The following TAPBP variants were observed in gnomAD, a reference collection of about 807,000 sequenced individuals.
TAPBP encodes the protein tapasin.
Under a neutral mutation model 45.7 loss-of-function variants are expected in TAPBP, and 38 were observed. That is an observed-to-expected ratio of 0.83 (90% CI 0.64 to 1.09). The LOEUF is 1.09. Ranked by LOEUF, TAPBP falls within the 50% of genes least tolerant of loss-of-function variation. TAPBP has a pLI of 0.00. For missense variants in TAPBP, 513 were observed against 587.3 expected (o/e 0.87, Z 1.31); for synonymous variants, 226 against 254.8 (o/e 0.89, Z 1.08).
In TAPBP at chr6:33,301,620, A is replaced by G; in HGVS notation, c.*140T>C. 1 of 770,894 alleles carries G rather than the reference A, an allele frequency of 1.3e-6. No homozygotes were observed. The highest frequency in any genetic ancestry group is 2.1e-6 in the Non-Finnish European group (1 of 468,452). 47.8% of individuals were successfully genotyped at this position (770,894 alleles called of 1,614,324 possible). On this transcript the variant is annotated 3_prime_UTR_variant, in exon 8 of 8. Coordinates refer to ENST00000434618, the MANE Select transcript of TAPBP (RefSeq NM_003190.5). ...ATTATCCCTTATATAAGTGAAAGAAAAAAAAAAAAGCATTCCAGCCACTCA... is the reference window on the plus strand; with the variant it reads ...ATTATCCCTTATATAAGTGAAAGAAGAAAAAAAAAGCATTCCAGCCACTCA...
chr6:33,307,941 G>A (rs886624824), intron 3 of TAPBP, among the ~76,000 whole-genome samples: 2 of 152,110 alleles, frequency 1.3e-5, no homozygotes, highest in Non-Finnish European at 2.9e-5. Context: ...TGGACTTGCT[G>A]GTTAACTTGG....
At position 33,313,153 on chromosome 6, in the gene TAPBP, G is replaced by A; in HGVS notation, c.469+64C>T. Reference sequence around the variant, plus strand: ...TGTCTTGCTCAAGTCCATAAAGCGAGACCACCGGCTGATCTGGACCCTTAG... The same window carrying A: ...TGTCTTGCTCAAGTCCATAAAGCGAAACCACCGGCTGATCTGGACCCTTAG... On this transcript the variant is annotated intron_variant, in intron 3 of 7. Transcript: ENST00000434618. This position sits in a 1 kb window ranked among gnomAD's most constrained non-coding sequence, Gnocchi z 7.2. 1 of 1,526,872 alleles carries A rather than the reference G, an allele frequency of 6.5e-7. No homozygotes were observed. Among genetic ancestry groups the A allele is most frequent in the Non-Finnish European group, 8.8e-7 (1 of 1,132,634 alleles). The allele number at this position is 1,526,872 out of a possible 1,614,324, so 94.6% of individuals were successfully genotyped here.
rs9280395 is a variant in TAPBP at position 33,300,965 on chromosome 6, CA to C, written c.*794del. The stretch of plus-strand genomic sequence containing the variant: ...TGGGCGACAGAGCGAGACTCCGTCT[CA>C]AAAAAAAAAAAAAAAAAGTTTTTTG... On this transcript the variant is annotated 3_prime_UTR_variant, in exon 8 of 8. Coordinates refer to ENST00000434618, the MANE Select transcript of TAPBP (RefSeq NM_003190.5). 45,277 of 106,472 alleles carry C rather than the reference CA, an allele frequency of 0.43. 6,421 individuals are homozygous for C. Among genetic ancestry groups the C allele is most frequent in the Admixed American group, 0.47 (5,086 of 10,828 alleles). The allele number at this position is 106,472 out of a possible 1,614,324, so 6.6% of individuals were successfully genotyped here.
At chr6:33,308,735 ATT>A (rs113488780) in intron 3 of TAPBP, among the ~76,000 whole-genome samples, 2 of 146,230 alleles carry the variant, frequency 1.4e-5, no homozygotes, top group African/African-American at 2.5e-5. Flanking sequence ...ATTTTTTCAC[ATT>A]TTTTTTTTTT....
rs920042089 is a variant in TAPBP, at chr6:33,301,550, G to A, written c.*210C>T. ...GATCATGCCACTGCACTGCAGCCTG[G>A]GCGGAAGAGTGAGACTCCGTCTCAA... On this transcript the variant is annotated 3_prime_UTR_variant, in exon 8 of 8. Transcript: ENST00000434618. 1.2e-5 allele frequency: 7 copies of A among 588,494 alleles called. No individual in the cohort carries two copies. In the African/African-American group the frequency reaches 1.3e-4, roughly 11 times the overall value. The allele number at this position is 588,494 out of a possible 1,614,324, so 36.5% of individuals were successfully genotyped here.
Position 33,313,981 on chromosome 6 carries a change from C to A in TAPBP, c.37+24G>T, listed in dbSNP as rs778137053. Reference sequence around the variant, plus strand: ...CCTCCGCTTCCCTCTAGTTCTTGGGCGATGAGTCGCGGGGTTCGCTCACCC... The same window carrying A: ...CCTCCGCTTCCCTCTAGTTCTTGGGAGATGAGTCGCGGGGTTCGCTCACCC... On this transcript the variant is annotated intron_variant, in intron 1 of 7. Coordinates refer to ENST00000434618, the MANE Select transcript of TAPBP (RefSeq NM_003190.5). The surrounding 1 kb of genome is among the most constrained non-coding windows in gnomAD (Gnocchi z 7.2). The A allele has an allele frequency of 1.2e-5, 20 of 1,613,746 alleles. No individual in the cohort carries two copies. The highest frequency in any genetic ancestry group is 4.5e-5 in the East Asian group (2 of 44,898).
Position 33,313,242 on chromosome 6 carries a change from C to T in TAPBP, c.444G>A (p.Glu148=). ...LLRPQPEPQQ[E]PVLITMATVV... is the part of the protein sequence containing the mutation. ...CTGTTGCCATGGTGATGAGAACAGG[C>T]TCCTGCTGAGGCTCTGGCTGTGGTC... The change falls in exon 3 of 8, where the codon GAG becomes GAA. Residue 148 remains glutamate (E), a synonymous_variant. Transcript: ENST00000434618. This position sits in a 1 kb window ranked among gnomAD's most constrained non-coding sequence, Gnocchi z 7.2. 6.2e-7 allele frequency: 1 copy of T among 1,613,982 alleles called. No homozygotes were observed.
intron 7 of TAPBP, among the ~76,000 whole-genome samples, chr6:33,302,312 A>ATTTGTTTTGT (rs145102481): frequency 2.0e-5 from 3 of 151,084 alleles, no homozygotes; most frequent in Admixed American, 6.6e-5. Context: ...TGCCCAGCTA[A>ATTTGTTTTGT]TTTGTTTTGT....
At chr6:33,312,493 T>C (rs1261198722) in intron 3 of TAPBP, among the ~76,000 whole-genome samples, 3 of 152,262 alleles carry the variant, frequency 2.0e-5, no homozygotes, top group South Asian at 4.1e-4. Context: ...GGTCAGACTC[T>C]CCTCATTCTT....
At position 33,301,409 on chromosome 6, in the gene TAPBP, A is replaced by G. The variant is rs954594191; in HGVS notation, c.*351T>C. 1 of 261,326 alleles carries G rather than the reference A, an allele frequency of 3.8e-6. No individual in the cohort carries two copies. The highest frequency in any genetic ancestry group is 7.4e-6 in the Non-Finnish European group (1 of 135,166). 16.2% of individuals were successfully genotyped at this position (261,326 alleles called of 1,614,324 possible). On this transcript the variant is annotated 3_prime_UTR_variant, in exon 8 of 8. Coordinates refer to ENST00000434618, the MANE Select transcript of TAPBP (RefSeq NM_003190.5). The stretch of plus-strand genomic sequence containing the variant: ...GCCAACATGGTGAAACCCCGTCTCT[A>G]CTAAAAATACAAAAATTCACTGGGT...
rs756243320 is a variant in TAPBP, at chr6:33,301,797, A to G, written c.1336-26T>C. The G allele has an allele frequency of 3.1e-6, 5 of 1,614,094 alleles. No individual in the cohort carries two copies. The Admixed American group carries it at 8.3e-5, about 27-fold the overall frequency. On this transcript the variant is annotated intron_variant, in intron 7 of 7. Transcript: ENST00000434618. ...CTGGAAGAGAGGAAGGTGGTGAGGAATTCAGGATATTAAAAGGCAGTTGAG... is the reference window on the plus strand; with the variant it reads ...CTGGAAGAGAGGAAGGTGGTGAGGAGTTCAGGATATTAAAAGGCAGTTGAG...
chr6:33,310,897 T>C (rs1299852419), intron 3 of TAPBP, among the ~76,000 whole-genome samples: 1 of 152,222 alleles, frequency 6.6e-6, no homozygotes, highest in Non-Finnish European at 1.5e-5. Flanking sequence ...ATAAGACAAG[T>C]ATAAATGTAT....
chr6:33,301,600 C>A lies in TAPBP; in HGVS notation c.*160G>T. ...AAAAAAAAAAAAAAAGAAAAATTATCCCTTATATAAGTGAAAGAAAAAAAA... is the reference window on the plus strand; with the variant it reads ...AAAAAAAAAAAAAAAGAAAAATTATACCTTATATAAGTGAAAGAAAAAAAA... On this transcript the variant is annotated 3_prime_UTR_variant, in exon 8 of 8. Coordinates refer to ENST00000434618, the MANE Select transcript of TAPBP (RefSeq NM_003190.5). The A allele has an allele frequency of 1.6e-6, 1 of 642,934 alleles. No homozygotes were observed. Among genetic ancestry groups the A allele is most frequent in the Non-Finnish European group, 2.7e-6 (1 of 364,900 alleles). The allele number at this position is 642,934 out of a possible 1,614,324, so 39.8% of individuals were successfully genotyped here.
Position 33,313,753 on chromosome 6 carries a change from C to G in TAPBP, c.149G>C (p.Gly50Ala). Residue 50 changes from glycine to alanine, a missense_variant, in exon 2 of 8, where the codon GGA (glycine) becomes GCA (alanine). Gly to Ala is a moderately conservative substitution (Grantham distance 60, BLOSUM62 0). Coordinates refer to ENST00000434618, the MANE Select transcript of TAPBP (RefSeq NM_003190.5). The surrounding 1 kb of genome is among the most constrained non-coding windows in gnomAD (Gnocchi z 7.2). ...CGGCCGGGGCGGCGGTTCCCCCGGT[C>G]CCTGGCGCAACAGCAGTGCACCGGG... ...KRPGALLLRQ[G>A]PGEPPPRPDL... is the part of the protein sequence containing the mutation. 1 of 1,613,666 alleles carries G rather than the reference C, an allele frequency of 6.2e-7. No homozygotes were observed.
Position 33,303,593 on chromosome 6 carries a change from G to A in TAPBP, c.1335+362C>T. 5 of 810,058 alleles carry A rather than the reference G, an allele frequency of 6.2e-6. No homozygotes were observed. In the South Asian group the frequency reaches 1.0e-4, roughly 16 times the overall value. 50.2% of individuals were successfully genotyped at this position (810,058 alleles called of 1,614,324 possible). On this transcript the variant is annotated intron_variant, in intron 7 of 7. Coordinates refer to ENST00000434618, the MANE Select transcript of TAPBP (RefSeq NM_003190.5). ...CTTCTGACCCAAGCATTTCAGATAA[G>A]GGACCAGAATTATTAGATTAAATAA...
intron 7 of TAPBP, chr6:33,303,715 T>C: frequency 1.3e-6 from 2 of 1,539,200 alleles, no homozygotes; most frequent in Non-Finnish European, 1.8e-6. Context: ...ATTATCTTTC[T>C]ATTGGACAGC....
chr6:33,312,425 T>C (rs1317942563), intron 3 of TAPBP, among the ~76,000 whole-genome samples: 1 of 152,130 alleles, frequency 6.6e-6, no homozygotes, highest in Non-Finnish European at 1.5e-5. Context: ...ACTCTACCGG[T>C]ATTCTACCCC....
chr6:33,306,363 C>T (rs1464172953), intron 3 of TAPBP, among the ~76,000 whole-genome samples: 1 of 152,218 alleles, frequency 6.6e-6, no homozygotes, highest in Non-Finnish European at 1.5e-5. Context: ...CATTCAGCAA[C>T]TATTGAGCAC....
In TAPBP at chr6:33,313,412, C is replaced by A; in HGVS notation, c.274G>T (p.Glu92Ter). 1 of 1,609,004 alleles carries A rather than the reference C, an allele frequency of 6.2e-7. No individual in the cohort carries two copies. The highest frequency in any genetic ancestry group is 2.2e-5 in the East Asian group (1 of 44,730). Residue 92 changes from glutamate (E) to a stop codon, truncating the protein, a stop_gained, in exon 3 of 8, where the codon GAG becomes TAG. Coordinates refer to ENST00000434618, the MANE Select transcript of TAPBP (RefSeq NM_003190.5). LOFTEE classifies it high-confidence loss of function. The surrounding 1 kb of genome is among the most constrained non-coding windows in gnomAD (Gnocchi z 7.2). ...GGGAGAGGCACGAAGCGGCTCATCT[C>A]GCAGTGTGGTGCGGGGGCGCCCCGG... ...YPRGAPAPHC[E>*]MSRFVPLPAS...
Sources: gnomAD v4.1 joint callset for allele counts (sites outside exome capture counted in the v4.1 genomes callset) on GRCh38, gnomAD v4.1.1 for gene constraint, Gnocchi (gnomAD v3.1) non-coding constraint, MANE v1.5 for transcripts, NCBI Gene and HGNC (gene_info 2026-07-23, HGNC 2026-07-21) for gene names.